The following TWF1 variants were observed in gnomAD, a reference collection of about 807,000 sequenced individuals.
The protein encoded by TWF1 is twinfilin actin binding protein 1, also known as twinfilin-1.
Under a neutral mutation model 47.9 loss-of-function variants are expected in TWF1, and 14 were observed. That is an observed-to-expected ratio of 0.29 (90% CI 0.19 to 0.46). TWF1 has a LOEUF of 0.46. Among genes scored for constraint, TWF1 ranks in the 20% least tolerant of loss-of-function variants. The probability of loss-of-function intolerance (pLI) is 1.00; values close to 1 mark genes in which losing one functional copy is unlikely to be tolerated. For missense variants in TWF1, 281 were observed against 409.3 expected (o/e 0.69, Z 2.70); for synonymous variants, 96 against 139.2 (o/e 0.69, Z 2.18).
At chr12:43,804,272 C>A (rs1592282109) in intron 2 of TWF1, 1 of 529,042 alleles carries the variant, frequency 1.9e-6, no homozygotes, top group Admixed American at 2.6e-5. Context: ...AGGAAGAAGT[C>A]ACATCAAAAA....
At position 43,794,418 on chromosome 12, in the gene TWF1, T is replaced by C. The variant is rs1942514281; in HGVS notation, c.*1167A>G. ...AATGAGTGCTTCACACTATGAAATG[T>C]GCATTTCCGATAAGTGATTTATGCA... On this transcript the variant is annotated 3_prime_UTR_variant, in exon 9 of 9. Coordinates refer to ENST00000395510, the MANE Select transcript of TWF1 (RefSeq NM_002822.5). The C allele has an allele frequency of 6.6e-6, 1 of 151,498 alleles. No individual in the cohort carries two copies. The highest frequency in any genetic ancestry group is 6.6e-5 in the Admixed American group (1 of 15,156). The allele number at this position is 151,498 out of a possible 1,614,324, so 9.4% of individuals were successfully genotyped here. A position where few individuals can be genotyped will look rare whatever the true frequency, so the allele number is the denominator to read the frequency against.
intron 6 of TWF1, 32 bp from the exon 7 acceptor site, chr12:43,797,484 A>AACC (rs1375504334): frequency 1.3e-6 from 2 of 1,514,044 alleles, no homozygotes; most frequent in African/African-American, 2.8e-5. Flanking sequence ...TGTTCATTAA[A>AACC]ACCAGATATA....
At chr12:43,796,129 C>A (rs975035357) in intron 8 of TWF1, among the ~76,000 whole-genome samples, 1 of 152,076 alleles carries the variant, frequency 6.6e-6, no homozygotes, top group African/African-American at 2.4e-5. Flanking sequence ...AACCATGGCC[C>A]GAAGGCCAAA....
At chr12:43,796,878 T>C (rs1054134600) in intron 8 of TWF1, 98 bp downstream of exon 8, 2 of 1,314,518 alleles carry the variant, frequency 1.5e-6, no homozygotes, top group African/African-American at 3.0e-5. Context: ...ACAAGAAAAA[T>C]AAATATTTTC....
At chr12:43,800,974 A>G (rs1942650628) in intron 3 of TWF1, among the ~76,000 whole-genome samples, 1 of 151,540 alleles carries the variant, frequency 6.6e-6, no homozygotes, top group African/African-American at 2.4e-5. Context: ...CTGGTCTCAA[A>G]CTCCTGACCT....
At chr12:43,805,491 G>T (rs768877315) in intron 1 of TWF1, 3 of 454,952 alleles carry the variant, frequency 6.6e-6, no homozygotes, top group South Asian at 4.7e-5. Flanking sequence ...GTAACCCGGG[G>T]ATATATTATT....
At position 43,799,389 on chromosome 12, in the gene TWF1, G is replaced by C; in HGVS notation, c.483+9C>G. ...AAAATCTTGCAAAGACTTTGTAGTT[G>C]TAACTTACCTCATTGATTTTAATCT... On this transcript the variant is annotated intron_variant, in intron 5 of 8. Coordinates refer to ENST00000395510, the MANE Select transcript of TWF1 (RefSeq NM_002822.5). 1 of 1,577,258 alleles carries C rather than the reference G, an allele frequency of 6.3e-7. No individual in the cohort carries two copies. Among genetic ancestry groups the C allele is most frequent in the Non-Finnish European group, 8.7e-7 (1 of 1,152,504 alleles).
In TWF1 at chr12:43,797,325, T is replaced by C; in HGVS notation, c.737A>G (p.Glu246Gly). 1 of 1,594,858 alleles carries C rather than the reference T, an allele frequency of 6.3e-7. No homozygotes were observed. Among genetic ancestry groups the C allele is most frequent in the South Asian group, 1.2e-5 (1 of 86,734 alleles). Residue 246 changes from glutamate to glycine, a missense_variant, in exon 7 of 9, where the codon GAA becomes GGA. Glu to Gly is a moderately conservative substitution (Grantham distance 98, BLOSUM62 -2). Coordinates refer to ENST00000395510, the MANE Select transcript of TWF1 (RefSeq NM_002822.5). ...YHFFLYKHSH[E>G]GDYLESIVFI... ...ACCTATGGACTCTAAATAGTCTCCTTCATGGGAATGTTTATACAGAAAGAA... is the reference window on the plus strand; with the variant it reads ...ACCTATGGACTCTAAATAGTCTCCTCCATGGGAATGTTTATACAGAAAGAA...
intron 6 of TWF1, 104 bp from the exon 7 acceptor site, chr12:43,797,556 G>A (rs1380960107): frequency 1.5e-6 from 2 of 1,371,148 alleles, no homozygotes; most frequent in Non-Finnish European, 2.0e-6. Context: ...CTTAGTTCTG[G>A]ATGGTTTGAC....
chr12:43,798,483 CT>C, intron 5 of TWF1: 2 of 1,382,608 alleles, frequency 1.4e-6, no homozygotes, highest in Non-Finnish European at 9.5e-7. Flanking sequence ...AGAAATTTTA[CT>C]TTTAAAAAAA....
In TWF1 at chr12:43,806,208, C is replaced by A. The variant is rs751965016; in HGVS notation, c.25+13G>T. ...GAAGCCCCTTCCCTGCGAGTCGCGCCGGGCGCTGTTACCTTGGATGCCGGT... is the reference window on the plus strand; with the variant it reads ...GAAGCCCCTTCCCTGCGAGTCGCGCAGGGCGCTGTTACCTTGGATGCCGGT... On this transcript the variant is annotated intron_variant, in intron 1 of 8. Coordinates refer to ENST00000395510, the MANE Select transcript of TWF1 (RefSeq NM_002822.5). 37 of 1,540,054 alleles carry A rather than the reference C, an allele frequency of 2.4e-5. No individual in the cohort carries two copies. The highest frequency in any genetic ancestry group is 5.6e-5 in the African/African-American group (4 of 72,048).
chr12:43,803,705 T>C (rs1270361908), intron 2 of TWF1, among the ~76,000 whole-genome samples: 3 of 152,112 alleles, frequency 2.0e-5, no homozygotes, highest in Non-Finnish European at 4.4e-5. Flanking sequence ...CATATATTCC[T>C]ATTGAATGTT....
At position 43,795,703 on chromosome 12, in the gene TWF1, A is replaced by C. The variant is rs1204124460; in HGVS notation, c.935T>G (p.Val312Gly). The C allele has an allele frequency of 2.5e-6, 4 of 1,613,766 alleles. No homozygotes were observed. In the Admixed American group the frequency reaches 6.7e-5, roughly 27 times the overall value. Residue 312 changes from valine to glycine, a missense_variant, in exon 9 of 9, where the codon GTA becomes GGA. Physicochemically the swap from Val to Gly is moderately radical, Grantham distance 109. Transcript: ENST00000395510. ...CTTGTGTGCATGCTGCTTGGGATGT[A>C]CTTCTTCATAAAGGAAGTCTGCAGT... Reference protein sequence around the residue: ...ELTADFLYEEVHPKQHAHKQS... With the variant: ...ELTADFLYEEGHPKQHAHKQS...
intron 4 of TWF1, among the ~76,000 whole-genome samples, chr12:43,799,940 G>T (rs1161288804): frequency 1.3e-5 from 2 of 151,800 alleles, no homozygotes; most frequent in Non-Finnish European, 2.9e-5. Flanking sequence ...CATGTCAAAA[G>T]AAAAAAATAC....
chr12:43,801,014 A>T (rs1942651265), intron 3 of TWF1, among the ~76,000 whole-genome samples: 1 of 152,130 alleles, frequency 6.6e-6, no homozygotes, highest in African/African-American at 2.4e-5. Context: ...GGCTTCCCAA[A>T]GTTTAGGGAT....
chr12:43,797,114 TAAC>T lies in TWF1; in HGVS notation c.761-20_761-18del, dbSNP rs745934873. On this transcript the variant is annotated intron_variant, in intron 7 of 8. Coordinates refer to ENST00000395510, the MANE Select transcript of TWF1 (RefSeq NM_002822.5). Reference sequence around the variant, plus strand: ...AAATAAAAACTGTAAGTTCAAATAATAACAAATATAATTAGCATATCAATACAT... The same window carrying T: ...AAATAAAAACTGTAAGTTCAAATAATAAATATAATTAGCATATCAATACAT... 6.4e-6 allele frequency: 10 copies of T among 1,570,716 alleles called. No homozygotes were observed. In the African/African-American group the frequency reaches 1.4e-4, roughly 22 times the overall value.
intron 2 of TWF1, 185 bp downstream of exon 2, chr12:43,804,310 A>T: frequency 3.4e-6 from 2 of 588,380 alleles, no homozygotes; most frequent in Non-Finnish European, 3.1e-6. Context: ...TGATAGTCAC[A>T]TAATTCAGAA....
chr12:43,797,117 C>G lies in TWF1; in HGVS notation c.761-20G>C, dbSNP rs547099125. Reference sequence around the variant, plus strand: ...TAAAAACTGTAAGTTCAAATAATAACAAATATAATTAGCATATCAATACAT... The same window carrying G: ...TAAAAACTGTAAGTTCAAATAATAAGAAATATAATTAGCATATCAATACAT... On this transcript the variant is annotated intron_variant, in intron 7 of 8. Coordinates refer to ENST00000395510, the MANE Select transcript of TWF1 (RefSeq NM_002822.5). 6.4e-7 allele frequency: 1 copy of G among 1,569,540 alleles called. No individual in the cohort carries two copies. Among genetic ancestry groups the G allele is most frequent in the South Asian group, 1.2e-5 (1 of 84,992 alleles).
intron 4 of TWF1, 68 bp downstream of exon 4, chr12:43,800,360 AATTACCC>A: frequency 9.9e-7 from 1 of 1,012,058 alleles, no homozygotes; most frequent in East Asian, 2.5e-5. Context: ...AATTCGTATC[AATTACCC>A]ATTACCTAGG....
Sources: allele counts gnomAD v4.1 joint callset (sites outside exome capture counted in the v4.1 genomes callset), GRCh38; gene constraint gnomAD v4.1.1; transcripts MANE v1.5; gene names NCBI Gene and HGNC (gene_info 2026-07-23, HGNC 2026-07-21).